The following RBM33 variants were observed in gnomAD, a reference collection of about 807,000 sequenced individuals.
RBM33 encodes the protein RNA-binding protein 33.
RBM33 carries 28 observed loss-of-function variants against 132.6 expected under a neutral mutation model. The ratio of observed to expected loss-of-function variants is 0.21; its 90% CI spans 0.16 to 0.29. The LOEUF is 0.29. RBM33 is among the 10% of genes least tolerant of loss of function. The pLI is 1.00. For synonymous variants in RBM33, 634 were observed against 593.0 expected (o/e 1.07, Z -1.01); for missense variants, 1,291 against 1,518.5 (o/e 0.85, Z 2.49).
Position 155,722,134 on chromosome 7 carries a change from T to C in RBM33, c.1260+3691T>C, listed in dbSNP as rs12533179. On this transcript the variant is annotated intron_variant, in intron 9 of 17. Transcript: ENST00000401878. ...CTGAACTCTGAAACTTTTTTTCTTC[T>C]GATTGTAAAACATATTTCCGTTACA... 3.2e-3 allele frequency among the ~76,000 whole-genome samples: 483 copies of C among 152,234 alleles called. 15 individuals are homozygous for C. Among genetic ancestry groups the C allele is most frequent in the Admixed American group, 0.028 (432 of 15,280 alleles).
chr7:155,674,631 G>T (rs1173666048), intron 3 of RBM33, among the ~76,000 whole-genome samples: 1 of 152,178 alleles, frequency 6.6e-6, no homozygotes, highest in Non-Finnish European at 1.5e-5. Context: ...TATCAATAAA[G>T]ATGGAGAAAT....
At chr7:155,755,669 G>T (rs1334605804) in intron 14 of RBM33, among the ~76,000 whole-genome samples, 1 of 152,200 alleles carries the variant, frequency 6.6e-6, no homozygotes, top group Admixed American at 6.5e-5. Context: ...GCAAGTCAGT[G>T]ATAGCACTTC....
intron 8 of RBM33, among the ~76,000 whole-genome samples, chr7:155,714,585 G>A (rs1039855416): frequency 3.9e-5 from 6 of 152,172 alleles, no homozygotes; most frequent in Non-Finnish European, 7.4e-5. Context: ...AGCTGGGTCT[G>A]GAAGCAGCAG....
Position 155,724,327 on chromosome 7 carries a change from G to A in RBM33, c.1260+5884G>A, listed in dbSNP as rs866240194. ...GTGGCTCACTTGAAGTCAGGAGTTC[G>A]AGACCAGCCTGGGCAACATGGTGAA... On this transcript the variant is annotated intron_variant, in intron 9 of 17. Transcript: ENST00000401878. Among the ~76,000 whole-genome samples the A allele has an allele frequency of 9.2e-5, 14 of 152,094 alleles. 1 individual carries two copies. Among genetic ancestry groups the A allele is most frequent in the Middle Eastern group, 6.3e-3 (2 of 316 alleles).
At chr7:155,666,991 C>T (rs551476959) in intron 2 of RBM33, among the ~76,000 whole-genome samples, 1 of 152,186 alleles carries the variant, frequency 6.6e-6, no homozygotes, top group African/African-American at 2.4e-5. Flanking sequence ...CAGAAACTCC[C>T]ACTTGACCTT....
chr7:155,712,803 G>GTGGGGCCA (rs1800345162), intron 8 of RBM33, among the ~76,000 whole-genome samples: 1 of 152,080 alleles, frequency 6.6e-6, no homozygotes, highest in Non-Finnish European at 1.5e-5. Context: ...CCGTGGGGCC[G>GTGGGGCCA]TGGGGCCATC....
chr7:155,697,632 T>G (rs1327809406), intron 5 of RBM33, among the ~76,000 whole-genome samples: 1 of 152,142 alleles, frequency 6.6e-6, no homozygotes, highest in Non-Finnish European at 1.5e-5. Context: ...ACCCATTGTT[T>G]CTGTTTAGAT....
intron 5 of RBM33, among the ~76,000 whole-genome samples, chr7:155,696,438 C>G (rs1188879942): frequency 6.6e-6 from 1 of 152,182 alleles, no homozygotes; most frequent in Non-Finnish European, 1.5e-5. Context: ...TCATTGACCT[C>G]CGGTACTCTG....
At chr7:155,729,001 C>T (rs1026246606) in intron 9 of RBM33, among the ~76,000 whole-genome samples, 2 of 152,112 alleles carry the variant, frequency 1.3e-5, no homozygotes, top group Non-Finnish European at 2.9e-5. Context: ...AAAGAATACC[C>T]AAGACTGGGT....
chr7:155,735,264 CAA>C (rs761006487), intron 9 of RBM33, among the ~76,000 whole-genome samples: 18 of 152,050 alleles, frequency 1.2e-4, no homozygotes, highest in Non-Finnish European at 1.6e-4. Context: ...ATTTTTAAAA[CAA>C]GAGGAAAAAA....
At chr7:155,645,023 C>T (rs2116854065) in intron 1 of RBM33, 104 bp downstream of exon 1, 1 of 814,612 alleles carries the variant, frequency 1.2e-6, no homozygotes, top group Non-Finnish European at 1.8e-6. Flanking sequence ...CTCTCCCCGG[C>T]TCCGACTCTC....
At chr7:155,664,362 C>A (rs7786500) in intron 1 of RBM33, among the ~76,000 whole-genome samples, 6 of 151,210 alleles carry the variant, frequency 4.0e-5, no homozygotes, top group African/African-American at 7.3e-5. Context: ...AGCGATTCTC[C>A]TGCCTCAGCC....
At chr7:155,675,689 A>G (rs1799165302) in intron 3 of RBM33, among the ~76,000 whole-genome samples, 1 of 152,184 alleles carries the variant, frequency 6.6e-6, no homozygotes, top group Non-Finnish European at 1.5e-5. Flanking sequence ...CATTATGATG[A>G]TATTTTAATG....
rs1802668648 is a variant in RBM33, at chr7:155,777,726, A to C, written c.*2685A>C. On this transcript the variant is annotated 3_prime_UTR_variant, in exon 18 of 18. Coordinates refer to ENST00000401878, the MANE Select transcript of RBM33 (RefSeq NM_053043.3). ...TCAACTCAGCCACATCTTAGCTATT[A>C]GTTCTTTGTGTTGTCTTATCAAAGT... 6.5e-6 allele frequency: 1 copy of C among 152,678 alleles called. No individual in the cohort carries two copies. Among genetic ancestry groups the C allele is most frequent in the South Asian group, 2.1e-4 (1 of 4,836 alleles). 9.5% of individuals were successfully genotyped at this position (152,678 alleles called of 1,614,324 possible). A position where few individuals can be genotyped will look rare whatever the true frequency, so the allele number is the denominator to read the frequency against.
At chr7:155,677,593 T>C (rs1799220433) in intron 3 of RBM33, among the ~76,000 whole-genome samples, 1 of 152,246 alleles carries the variant, frequency 6.6e-6, no homozygotes, top group Non-Finnish European at 1.5e-5. Flanking sequence ...ACTGAGTATG[T>C]ATCCTGTGTT....
intron 9 of RBM33, among the ~76,000 whole-genome samples, chr7:155,719,433 G>C (rs964782551): frequency 7.2e-5 from 11 of 152,050 alleles, no homozygotes; most frequent in Admixed American, 5.9e-4. Context: ...TGGATTTAAG[G>C]TTCAGAGTAT....
At chr7:155,692,638 A>G (rs1408051767) in intron 5 of RBM33, among the ~76,000 whole-genome samples, 1 of 152,172 alleles carries the variant, frequency 6.6e-6, no homozygotes. Context: ...TACAGATAAC[A>G]TTGTCCTAGT....
intron 9 of RBM33, among the ~76,000 whole-genome samples, chr7:155,723,850 CAT>C (rs1800697463): frequency 1.3e-5 from 2 of 152,336 alleles, no homozygotes; most frequent in South Asian, 2.1e-4. Context: ...CCTTGTACAA[CAT>C]GTGTATATGC....
intron 13 of RBM33, among the ~76,000 whole-genome samples, chr7:155,743,920 C>T (rs1410154489): frequency 6.6e-6 from 1 of 152,130 alleles, no homozygotes; most frequent in Non-Finnish European, 1.5e-5. Context: ...GCTCTGTATG[C>T]CTACCCTTGT....
Sources: allele counts gnomAD v4.1 joint callset (sites outside exome capture counted in the v4.1 genomes callset), GRCh38; gene constraint gnomAD v4.1.1; transcripts MANE v1.5; gene names NCBI Gene and HGNC (gene_info 2026-07-23, HGNC 2026-07-21).